The following CMC1 variants were observed in gnomAD, a reference collection of about 807,000 sequenced individuals.
CMC1 encodes the protein COX assembly mitochondrial protein homolog.
In CMC1, 14 loss-of-function variants were observed where a neutral mutation model predicts 14.1. The observed-to-expected ratio is 0.99, with a 90% CI of 0.66 to 1.55. CMC1 has a LOEUF of 1.55. Among genes scored for constraint, CMC1 ranks in the 40% most tolerant of loss-of-function variants. The pLI, the probability that CMC1 is intolerant of heterozygous loss-of-function variation, is 0.00. For missense variants in CMC1, 127 were observed against 123.8 expected (o/e 1.03, Z -0.12); for synonymous variants, 50 against 38.4 (o/e 1.30, Z -1.12).
intron 1 of CMC1, among the ~76,000 whole-genome samples, chr3:28,259,134 A>T (rs891143807): frequency 6.6e-6 from 1 of 151,098 alleles, no homozygotes; most frequent in Non-Finnish European, 1.5e-5. Flanking sequence ...CTTTTTTATT[A>T]TAACTTTATT....
chr3:28,310,304 C>G (rs1702574795), intron 2 of CMC1, among the ~76,000 whole-genome samples: 1 of 152,192 alleles, frequency 6.6e-6, no homozygotes, highest in African/African-American at 2.4e-5. Flanking sequence ...TAGGAACCCT[C>G]TCTTTCTTAC....
Position 28,322,055 on chromosome 3 carries a change from C to T in CMC1, c.*2426C>T, listed in dbSNP as rs191659098. On this transcript the variant is annotated 3_prime_UTR_variant, in exon 4 of 4. Coordinates refer to ENST00000466830, the MANE Select transcript of CMC1 (RefSeq NM_182523.2). ...CTGTTTTTTGGTTGTTTGAATTTTA[C>T]CTAGAACAGAGATATCAAGTGTAGA... 1.2e-3 allele frequency: 177 copies of T among 151,320 alleles called. 1 individual carries two copies. The highest frequency in any genetic ancestry group is 4.0e-3 in the African/African-American group (164 of 41,428). 9.4% of individuals were successfully genotyped at this position (151,320 alleles called of 1,614,324 possible). A position where few individuals can be genotyped will look rare whatever the true frequency, so the allele number is the denominator to read the frequency against.
At chr3:28,274,220 CTTTTTTT>C (rs544985268) in intron 2 of CMC1, among the ~76,000 whole-genome samples, 2 of 112,320 alleles carry the variant, frequency 1.8e-5, no homozygotes, top group Non-Finnish European at 3.5e-5. Flanking sequence ...TTGTTTTTTT[CTTTTTTT>C]TTTTTTTTGC....
chr3:28,286,186 A>G (rs947801515), intron 2 of CMC1, among the ~76,000 whole-genome samples: 8 of 152,270 alleles, frequency 5.3e-5, no homozygotes, highest in African/African-American at 1.9e-4. Flanking sequence ...TAGCTAGTAC[A>G]TTTTTATATT....
Position 28,322,902 on chromosome 3 carries a change from C to T in CMC1, c.*3273C>T, listed in dbSNP as rs1211925656. The T allele has an allele frequency of 6.6e-6, 1 of 151,052 alleles. No individual in the cohort carries two copies. Among genetic ancestry groups the T allele is most frequent in the Non-Finnish European group, 1.5e-5 (1 of 67,350 alleles). The allele number at this position is 151,052 out of a possible 1,614,324, so 9.4% of individuals were successfully genotyped here. On this transcript the variant is annotated 3_prime_UTR_variant, in exon 4 of 4. Transcript: ENST00000466830. The stretch of plus-strand genomic sequence containing the variant: ...GATAAAAGTCCTCCTACATGAAATA[C>T]TTTAATTCAGGCAAAAGGTGTATGA...
chr3:28,290,089 C>T (rs977016728), intron 2 of CMC1, among the ~76,000 whole-genome samples: 1 of 152,052 alleles, frequency 6.6e-6, no homozygotes, highest in African/African-American at 2.4e-5. Context: ...TTGAGTGATT[C>T]CCTTGTATGA....
intron 2 of CMC1, among the ~76,000 whole-genome samples, chr3:28,282,481 A>T (rs1700953171): frequency 6.6e-6 from 1 of 152,208 alleles, no homozygotes. Flanking sequence ...GATTCACCAG[A>T]TTTGTCAGAT....
chr3:28,241,879 G>T, intron 1 of CMC1, 67 bp downstream of exon 1: 1 of 1,228,394 alleles, frequency 8.1e-7, no homozygotes, highest in Non-Finnish European at 1.0e-6. Flanking sequence ...GGGCCATGCG[G>T]GCTGGATGCC....
In CMC1 at chr3:28,245,809, T is replaced by G. The variant is rs114631563; in HGVS notation, c.19+3997T>G. On this transcript the variant is annotated intron_variant, in intron 1 of 3. Transcript: ENST00000466830. ...GGTTCCTGTGGGAATGTAGGTAAAT[T>G]ACCTTTAGGGGTACAGGAACAGTAC... Among the ~76,000 whole-genome samples the G allele has an allele frequency of 1.3e-3, 195 of 152,356 alleles. 1 individual carries two copies. The highest frequency in any genetic ancestry group is 6.8e-3 in the Middle Eastern group (2 of 294).
intron 2 of CMC1, among the ~76,000 whole-genome samples, chr3:28,285,088 A>AT (rs1268349990): frequency 7.9e-5 from 12 of 152,206 alleles, no homozygotes; most frequent in African/African-American, 2.7e-4. Flanking sequence ...GATTATTGAG[A>AT]TTCCTAAGTA....
At chr3:28,250,391 A>C (rs1260177253) in intron 1 of CMC1, among the ~76,000 whole-genome samples, 2 of 152,212 alleles carry the variant, frequency 1.3e-5, no homozygotes, top group African/African-American at 4.8e-5. Flanking sequence ...TAAGAGGTTG[A>C]AGATGGAAAA....
chr3:28,281,238 G>A (rs938519221), intron 2 of CMC1, among the ~76,000 whole-genome samples: 5 of 152,264 alleles, frequency 3.3e-5, no homozygotes, highest in South Asian at 2.1e-4. Context: ...GTTTAAGTAT[G>A]GCAGGGGAGA....
In CMC1 at chr3:28,263,283, T is replaced by A; in HGVS notation, c.20-8T>A. On this transcript the variant is annotated splice_polypyrimidine_tract_variant and splice_region_variant and intron_variant, in intron 1 of 3. Transcript: ENST00000466830. The stretch of plus-strand genomic sequence containing the variant: ...GACTTTATTAAAGAAAGATCTTTTT[T>A]TTTTCAGACCAGCATCTCAGACATG... 4 of 1,585,174 alleles carry A rather than the reference T, an allele frequency of 2.5e-6. No homozygotes were observed. Among genetic ancestry groups the A allele is most frequent in the South Asian group, 2.3e-5 (2 of 85,594 alleles).
At chr3:28,275,328 GTT>G (rs1351052957) in intron 2 of CMC1, among the ~76,000 whole-genome samples, 1 of 72,220 alleles carries the variant, frequency 1.4e-5, no homozygotes. Flanking sequence ...TTAGTTGTTT[GTT>G]TTTTTTTTTT....
intron 2 of CMC1, among the ~76,000 whole-genome samples, chr3:28,297,731 G>A (rs1701802883): frequency 6.6e-6 from 1 of 151,870 alleles, no homozygotes; most frequent in Admixed American, 6.6e-5. Context: ...TTCCAGCTTA[G>A]AAAAAAGGTA....
intron 1 of CMC1, among the ~76,000 whole-genome samples, chr3:28,252,350 A>G (rs1427961519): frequency 6.6e-6 from 1 of 152,198 alleles, no homozygotes; most frequent in Non-Finnish European, 1.5e-5. Context: ...CTAAGCAGAA[A>G]TAGGCACATC....
chr3:28,265,402 A>G (rs550692138), intron 2 of CMC1, among the ~76,000 whole-genome samples: 2 of 152,228 alleles, frequency 1.3e-5, no homozygotes, highest in Admixed American at 1.3e-4. Flanking sequence ...TTTAAACTCA[A>G]CAGTTATACA....
Position 28,248,585 on chromosome 3 carries a change from G to A in CMC1, c.19+6773G>A, listed in dbSNP as rs139013264. Among the ~76,000 whole-genome samples the A allele has an allele frequency of 2.6e-3, 390 of 152,262 alleles. 3 individuals are homozygous for A. Among genetic ancestry groups the A allele is most frequent in the South Asian group, 7.5e-3 (36 of 4,824 alleles). ...TGACTCCACACAGAAATAAATTCAA[G>A]TTTGTGTCTTGTTGCCTGGATTAGT... is the stretch of plus-strand genomic sequence containing the variant. On this transcript the variant is annotated intron_variant, in intron 1 of 3. Transcript: ENST00000466830.
chr3:28,270,101 A>G (rs1307523211), intron 2 of CMC1, among the ~76,000 whole-genome samples: 1 of 151,950 alleles, frequency 6.6e-6, no homozygotes, highest in African/African-American at 2.4e-5. Flanking sequence ...ATTCCTTTTT[A>G]TGGCTGCATA....
Sources: gnomAD v4.1 joint callset for allele counts (sites outside exome capture counted in the v4.1 genomes callset) on GRCh38, gnomAD v4.1.1 for gene constraint, MANE v1.5 for transcripts, NCBI Gene and HGNC (gene_info 2026-07-23, HGNC 2026-07-21) for gene names.